The following EXOC3 variants were observed in gnomAD, a reference collection of about 807,000 sequenced individuals.
The protein encoded by EXOC3 is exocyst complex component 3.
In EXOC3, 21 loss-of-function variants were observed where a neutral mutation model predicts 73.7. The observed-to-expected ratio is 0.29, with a 90% CI of 0.20 to 0.41. EXOC3 has a LOEUF of 0.41. Ranked by LOEUF, EXOC3 falls within the 10% of genes least tolerant of loss-of-function variation. The pLI, the probability that EXOC3 is intolerant of heterozygous loss-of-function variation, is 1.00. For missense variants in EXOC3, 842 were observed against 985.1 expected, an observed-to-expected ratio of 0.85 and a Z score of 1.95; for synonymous variants, 410 against 389.1, an observed-to-expected ratio of 1.05 and a Z score of -0.63.
Position 447,567 on chromosome 5 carries a change from C to T in EXOC3, c.179C>T (p.Thr60Ile), listed in dbSNP as rs1737542441. The T allele has an allele frequency of 2.5e-6, 4 of 1,587,630 alleles. No individual in the cohort carries two copies. Among genetic ancestry groups the T allele is most frequent in the Admixed American group, 1.8e-5 (1 of 56,658 alleles). Residue 60 changes from threonine (T) to isoleucine (I), a missense_variant, in exon 3 of 13, where the codon ACA (threonine) becomes ATA (isoleucine). Transcript: ENST00000512944. ...CAGTCACAGTTGGACGGGGTGCGCA[C>T]AGGCCTCAGCCAGCTCCACAACGCC... ...AIQSQLDGVR[T>I]GLSQLHNALN...
rs1401651550 is a variant in EXOC3 at position 460,042 on chromosome 5, C to T, written c.1391+583C>T. On this transcript the variant is annotated intron_variant, in intron 7 of 12. Coordinates refer to ENST00000512944, the MANE Select transcript of EXOC3 (RefSeq NM_007277.5). ...TCCACTCTCTCTGCTGAAGTACCTT[C>T]AGGCAAACCCCGGGCGCTGTGGCAT... Among the ~76,000 whole-genome samples, 4 of 152,254 alleles carry T rather than the reference C, an allele frequency of 2.6e-5. 1 individual carries two copies. The East Asian group carries it at 7.7e-4, about 29-fold the overall frequency.
In EXOC3 at chr5:465,738, C is replaced by G; in HGVS notation, c.1959C>G (p.Asp653Glu). The G allele has an allele frequency of 6.2e-7, 1 of 1,613,890 alleles. No homozygotes were observed. The highest frequency in any genetic ancestry group is 8.5e-7 in the Non-Finnish European group (1 of 1,179,866). Residue 653 changes from aspartate to glutamate, a missense_variant, in exon 12 of 13, where the codon GAC (aspartate) becomes GAG (glutamate). By Grantham distance (45) the Asp-to-Glu change is conservative. Transcript: ENST00000512944. ...KLASGFGEDVDGYCDTIVAVA... is the reference protein window; with the variant it reads ...KLASGFGEDVEGYCDTIVAVA... Reference sequence around the variant, plus strand: ...TCCAGGGTTTCGGGGAAGACGTGGACGGATACTGCGACACCATCGTGGCTG... The same window carrying G: ...TCCAGGGTTTCGGGGAAGACGTGGAGGGATACTGCGACACCATCGTGGCTG...
At chr5:452,537 G>C (rs1737686615) in intron 3 of EXOC3, among the ~76,000 whole-genome samples, 1 of 152,202 alleles carries the variant, frequency 6.6e-6, no homozygotes, top group Admixed American at 6.5e-5. Context: ...AGTTTCTTAT[G>C]TTTTCCTTTG....
intron 4 of EXOC3, 121 bp from the exon 5 acceptor site, chr5:456,768 T>A: frequency 3.9e-6 from 3 of 772,794 alleles, no homozygotes; most frequent in Non-Finnish European, 4.4e-6. Context: ...GGGCCGGCTG[T>A]GACCAGGAAG....
rs1013551945 is a variant in EXOC3 at position 453,563 on chromosome 5, G to A, written c.558G>A (p.Glu186=). ...YFGSTQGLSD[E]LAKQLWMVLQ... Reference sequence around the variant, plus strand: ...GCAGCACGCAGGGGCTCTCTGATGAGCTGGCTAAGCAGCTGTGGATGGTGC... The same window carrying A: ...GCAGCACGCAGGGGCTCTCTGATGAACTGGCTAAGCAGCTGTGGATGGTGC... The change falls in exon 4 of 13, where the codon GAG becomes GAA. Residue 186 remains glutamate (E), a synonymous_variant. Transcript: ENST00000512944. The A allele has an allele frequency of 4.3e-6, 7 of 1,613,916 alleles. No homozygotes were observed. The African/African-American group carries it at 5.3e-5, about 12-fold the overall frequency.
chr5:462,357 T>G (rs1738014113), intron 9 of EXOC3, 50 bp downstream of exon 9: 4 of 1,596,844 alleles, frequency 2.5e-6, no homozygotes, highest in Non-Finnish European at 3.4e-6. Flanking sequence ...AGCCCAGTGC[T>G]TCCTCACTGC....
At chr5:456,864 A>C in intron 4 of EXOC3, 25 bp from the exon 5 acceptor site, 3 of 1,566,364 alleles carry the variant, frequency 1.9e-6, no homozygotes, top group Non-Finnish European at 2.6e-6. Context: ...GTGGTTTGTC[A>C]CTCACATTCC....
rs1380514936 is a variant in EXOC3 at position 464,357 on chromosome 5, T to C, written c.1721T>C (p.Val574Ala). 1.2e-6 allele frequency: 2 copies of C among 1,613,740 alleles called. No individual in the cohort carries two copies. Among genetic ancestry groups the C allele is most frequent in the Non-Finnish European group, 8.5e-7 (1 of 1,179,634 alleles). ...TCAAACGCTGTAGACATTATCTGTG[T>C]CACCGTGGAAGACTATTTCAACGAT... ...LGSNAVDIIC[V>A]TVEDYFNDFA... is the part of the protein sequence containing the mutation. Residue 574 changes from valine (V) to alanine (A), a missense_variant, in exon 10 of 13, where the codon GTC (valine) becomes GCC (alanine). Transcript: ENST00000512944.
chr5:466,302 C>G (rs1173885751), intron 12 of EXOC3: 1 of 242,100 alleles, frequency 4.1e-6, no homozygotes, highest in Non-Finnish European at 8.0e-6. Context: ...CCACGCACGT[C>G]CCCCCTCCAC....
intron 10 of EXOC3, 140 bp from the exon 11 acceptor site, chr5:464,971 T>A (rs1738097163): frequency 1.1e-5 from 10 of 881,706 alleles, no homozygotes; most frequent in Non-Finnish European, 1.7e-5. Context: ...TGCGGTGAGA[T>A]GCCAGAGCCG....
chr5:465,599 C>A, intron 11 of EXOC3, 119 bp from the exon 12 acceptor site: 3 of 1,293,158 alleles, frequency 2.3e-6, no homozygotes, highest in South Asian at 2.8e-5. Context: ...CAGAGTAGAT[C>A]CTGAGGAGTC....
rs1003905602 is a variant in EXOC3, at chr5:467,137, G to A, written c.*239G>A. 5 of 531,338 alleles carry A rather than the reference G, an allele frequency of 9.4e-6. No individual in the cohort carries two copies. The highest frequency in any genetic ancestry group is 7.6e-5 in the African/African-American group (4 of 52,948). 32.9% of individuals were successfully genotyped at this position (531,338 alleles called of 1,614,324 possible). ...AGGGCTCTGCCGCACAGCCTCTCTT[G>A]GGTGCTTGTTTGTTGCAGTGGTTGA... On this transcript the variant is annotated 3_prime_UTR_variant, in exon 13 of 13. Transcript: ENST00000512944.
At chr5:460,219 G>A (rs1266653536) in intron 7 of EXOC3, among the ~76,000 whole-genome samples, 3 of 152,198 alleles carry the variant, frequency 2.0e-5, no homozygotes, top group Non-Finnish European at 2.9e-5. Context: ...GGACTGCATC[G>A]CATGAGGGCT....
intron 12 of EXOC3, chr5:466,206 G>T: frequency 3.4e-6 from 1 of 293,724 alleles, no homozygotes. Context: ...TGGTGGACTC[G>T]GGAGGGCCCA....
chr5:465,580 CTG>C (rs763760952), intron 11 of EXOC3, 136 bp from the exon 12 acceptor site: 52 of 1,144,418 alleles, frequency 4.5e-5, no homozygotes, highest in Non-Finnish European at 6.4e-5. Flanking sequence ...GGCCCTGTCA[CTG>C]AGCTTTCAGA....
At chr5:459,126 G>T (rs1006175553) in intron 6 of EXOC3, among the ~76,000 whole-genome samples, 2 of 151,912 alleles carry the variant, frequency 1.3e-5, no homozygotes, top group Non-Finnish European at 2.9e-5. Context: ...GGAGAAACCA[G>T]TTTGCCAGGA....
intron 1 of EXOC3, among the ~76,000 whole-genome samples, chr5:444,591 C>T (rs1296237977): frequency 1.7e-5 from 2 of 114,950 alleles, no homozygotes; most frequent in African/African-American, 5.2e-5. Flanking sequence ...AAAGTGTGCA[C>T]CTACAAAGTC....
At chr5:458,522 A>C (rs1346580501) in intron 6 of EXOC3, among the ~76,000 whole-genome samples, 1 of 152,110 alleles carries the variant, frequency 6.6e-6, no homozygotes, top group Non-Finnish European at 1.5e-5. Flanking sequence ...TTAGCTTTTA[A>C]AGTTGCTTTC....
At chr5:444,574 G>C (rs1304730990) in intron 1 of EXOC3, among the ~76,000 whole-genome samples, 1 of 139,268 alleles carries the variant, frequency 7.2e-6, no homozygotes, top group Non-Finnish European at 1.7e-5. Context: ...AACAAAATAA[G>C]AAAACAAAAG....
Sources: allele counts gnomAD v4.1 joint callset (sites outside exome capture counted in the v4.1 genomes callset), GRCh38; gene constraint gnomAD v4.1.1; transcripts MANE v1.5; gene names NCBI Gene and HGNC (gene_info 2026-07-23, HGNC 2026-07-21).